ZBBX: variants seen among roughly 807,000 people sequenced by gnomAD.
ZBBX encodes the protein zinc finger B-box domain containing, also known as zinc finger B-box domain-containing protein 1.
In ZBBX, 101 loss-of-function variants were observed where a neutral mutation model predicts 108.5. The observed-to-expected ratio is 0.93, with a 90% confidence interval of 0.79 to 1.10. ZBBX has a LOEUF of 1.10. Ranked by LOEUF, ZBBX falls within the 50% of genes least tolerant of loss-of-function variation. The pLI, the probability that ZBBX is intolerant of heterozygous loss-of-function variation, is 0.00. For missense variants in ZBBX, 1,009 were observed against 941.4 expected (o/e 1.07, Z -0.94); for synonymous variants, 356 against 323.4 (o/e 1.10, Z -1.08).
chr3:167,353,528 A>G (rs1743018397), intron 8 of ZBBX, among the ~76,000 whole-genome samples: 1 of 152,032 alleles, frequency 6.6e-6, no homozygotes, highest in African/African-American at 2.4e-5. Flanking sequence ...AGGGGTAAAG[A>G]CTGAAAAATT....
intron 3 of ZBBX, 38 bp from the exon 4 acceptor site, chr3:167,372,988 G>T (rs1746378693): frequency 3.0e-6 from 3 of 996,708 alleles, no homozygotes; most frequent in South Asian, 3.7e-5. Flanking sequence ...TATGGCAGAG[G>T]TGAAGCAGTA....
intron 20 of ZBBX, among the ~76,000 whole-genome samples, chr3:167,280,761 C>T (rs1415023322): frequency 6.7e-6 from 1 of 148,872 alleles, no homozygotes; most frequent in Non-Finnish European, 1.5e-5. Context: ...TGGGTATATA[C>T]CCAAAGGACT....
Position 167,341,486 on chromosome 3 carries a change from G to A in ZBBX, c.529-7501C>T, listed in dbSNP as rs549899931. On this transcript the variant is annotated intron_variant, in intron 9 of 21. Coordinates refer to ENST00000675490, the MANE Select transcript of ZBBX (RefSeq NM_001199201.2). ...ATTGTCAAAAAAGTTTAAAGCACCTGGTCTCAGGAAACATAACAACATTGG... is the reference window on the plus strand; with the variant it reads ...ATTGTCAAAAAAGTTTAAAGCACCTAGTCTCAGGAAACATAACAACATTGG... Among the ~76,000 whole-genome samples the A allele has an allele frequency of 2.0e-5, 3 of 151,854 alleles. No individual in the cohort carries two copies. In the South Asian group the frequency reaches 6.2e-4, roughly 31 times the overall value.
chr3:167,209,674 A>G, the ZBBX span, among the ~76,000 whole-genome samples: 9 of 152,348 alleles, frequency 5.9e-5, no homozygotes, highest in Admixed American at 3.9e-4. Context: ...ATGTCCAGAC[A>G]CTGACGAACA....
At chr3:167,294,245 C>G (rs1017550281) in intron 18 of ZBBX, among the ~76,000 whole-genome samples, 31 of 152,096 alleles carry the variant, frequency 2.0e-4, no homozygotes, top group African/African-American at 7.0e-4. Context: ...CAAGACAACC[C>G]TAAGCAAAAA....
At chr3:167,315,180 T>C (rs540765139) in intron 15 of ZBBX, among the ~76,000 whole-genome samples, 1 of 152,292 alleles carries the variant, frequency 6.6e-6, no homozygotes, top group East Asian at 1.9e-4. Flanking sequence ...AGAAAGTAAC[T>C]GTTTTAACAT....
chr3:167,341,448 G>A (rs1282923251), intron 9 of ZBBX, among the ~76,000 whole-genome samples: 1 of 151,776 alleles, frequency 6.6e-6, no homozygotes, highest in Non-Finnish European at 1.5e-5. Flanking sequence ...TGGAATAGCT[G>A]AAAAAGTAAC....
At chr3:167,267,420 C>T (rs548952142) in intron 20 of ZBBX, among the ~76,000 whole-genome samples, 3 of 152,148 alleles carry the variant, frequency 2.0e-5, no homozygotes, top group East Asian at 1.9e-4. Flanking sequence ...CTAACTAGGA[C>T]CCAACATGGG....
the ZBBX span, among the ~76,000 whole-genome samples, chr3:167,184,734 G>A: frequency 0.013 from 2,009 of 152,038 alleles, 53 homozygotes; most frequent in African/African-American, 0.046. Context: ...AGTGGGAGCC[G>A]CAGTGGCAAC....
intron 1 of ZBBX, among the ~76,000 whole-genome samples, chr3:167,406,777 G>T (rs1748600417): frequency 6.6e-6 from 1 of 152,130 alleles, no homozygotes; most frequent in Non-Finnish European, 1.5e-5. Context: ...GTAGGTGAAG[G>T]GATTGGAAAG....
intron 19 of ZBBX, among the ~76,000 whole-genome samples, chr3:167,284,186 C>CTATA (rs772993912): frequency 0.015 from 1,808 of 120,984 alleles, 38 homozygotes; most frequent in African/African-American, 0.057. Context: ...AAACATATAT[C>CTATA]TATATCTATA....
At chr3:167,397,091 T>C (rs1339748145) in intron 1 of ZBBX, among the ~76,000 whole-genome samples, 1 of 134,300 alleles carries the variant, frequency 7.4e-6, no homozygotes, top group Non-Finnish European at 1.5e-5. Context: ...ATTCAACTAC[T>C]CACCTTAAGA....
intron 20 of ZBBX, among the ~76,000 whole-genome samples, chr3:167,274,532 C>T (rs1263266569): frequency 6.6e-6 from 1 of 152,170 alleles, no homozygotes; most frequent in Non-Finnish European, 1.5e-5. Flanking sequence ...TACAATGAAT[C>T]TTTCTGAGTT....
intron 1 of ZBBX, among the ~76,000 whole-genome samples, chr3:167,399,754 T>C (rs1748360949): frequency 6.6e-6 from 1 of 152,218 alleles, no homozygotes; most frequent in Non-Finnish European, 1.5e-5. Context: ...GCTTGTTTGT[T>C]ACAAGGGTAT....
the ZBBX span, among the ~76,000 whole-genome samples, chr3:167,210,612 T>A: frequency 6.6e-6 from 1 of 151,992 alleles, no homozygotes; most frequent in African/African-American, 2.4e-5. Context: ...AAATATTTAA[T>A]AATCAAACTC....
At chr3:167,380,377 C>T (rs569891250), upstream of ZBBX, 8 of 152,296 alleles carry the variant, frequency 5.3e-5, no homozygotes, top group Non-Finnish European at 8.8e-5. Context: ...GGTTCTGCCA[C>T]TGTCCGCCGG....
chr3:167,224,727 A>G, the ZBBX span, among the ~76,000 whole-genome samples: 2 of 151,920 alleles, frequency 1.3e-5, no homozygotes, highest in African/African-American at 4.8e-5. Context: ...AATTAAATAT[A>G]CAATCATGTG....
the ZBBX span, among the ~76,000 whole-genome samples, chr3:167,188,907 T>C: frequency 5.9e-5 from 9 of 152,156 alleles, no homozygotes; most frequent in Non-Finnish European, 1.3e-4. Flanking sequence ...AAGAAGTTAT[T>C]GAGGAAACCC....
the ZBBX span, among the ~76,000 whole-genome samples, chr3:167,197,382 C>G: frequency 6.6e-6 from 1 of 151,780 alleles, no homozygotes; most frequent in Admixed American, 6.6e-5. Context: ...ACTAAAAATA[C>G]AAAAAATTAG....
Sources: allele counts gnomAD v4.1 joint callset (sites outside exome capture counted in the v4.1 genomes callset), GRCh38; gene constraint gnomAD v4.1.1; transcripts MANE v1.5; gene names NCBI Gene and HGNC (gene_info 2026-07-23, HGNC 2026-07-21).